SLC10A7: variants seen among roughly 807,000 people sequenced by gnomAD.
The protein encoded by SLC10A7 is sodium/bile acid cotransporter 7.
A neutral mutation model predicts 43.2 loss-of-function variants in SLC10A7; 29 were observed. That is an observed-to-expected ratio of 0.67 (90% CI 0.50 to 0.92). The LOEUF is 0.92. Ranked by LOEUF, SLC10A7 falls within the 40% of genes least tolerant of loss-of-function variation. The probability of loss-of-function intolerance (pLI) is 0.00; values close to 1 mark genes in which losing one functional copy is unlikely to be tolerated. For synonymous variants in SLC10A7, 152 were observed against 144.8 expected (o/e 1.05, Z -0.35); for missense variants, 295 against 403.2 (o/e 0.73, Z 2.30).
At chr4:146,415,319 G>A (rs890678332) in intron 5 of SLC10A7, among the ~76,000 whole-genome samples, 2 of 152,190 alleles carry the variant, frequency 1.3e-5, no homozygotes, top group Non-Finnish European at 2.9e-5. Flanking sequence ...AGCTGGATAA[G>A]CTTGGACAAA....
chr4:146,308,368 C>T (rs1731733333), intron 6 of SLC10A7, among the ~76,000 whole-genome samples: 1 of 152,036 alleles, frequency 6.6e-6, no homozygotes, highest in Non-Finnish European at 1.5e-5. Flanking sequence ...GCAGAGGACC[C>T]CTGGGGAAGT....
At chr4:146,270,415 C>A (rs1382665178) in intron 10 of SLC10A7, among the ~76,000 whole-genome samples, 1 of 152,172 alleles carries the variant, frequency 6.6e-6, no homozygotes, top group Non-Finnish European at 1.5e-5. Flanking sequence ...AGGTACAACC[C>A]ATCTCGCATT....
intron 4 of SLC10A7, among the ~76,000 whole-genome samples, chr4:146,485,661 G>C (rs1734850160): frequency 6.6e-6 from 1 of 152,166 alleles, no homozygotes; most frequent in Non-Finnish European, 1.5e-5. Context: ...ATAAGTCCAG[G>C]TTCAGGATTT....
chr4:146,492,728 T>A (rs1385968855), intron 4 of SLC10A7, among the ~76,000 whole-genome samples: 1 of 152,174 alleles, frequency 6.6e-6, no homozygotes, highest in Non-Finnish European at 1.5e-5. Context: ...AAAAAGAGAA[T>A]ACGTTGGGAA....
chr4:146,302,400 T>C (rs1432923470), intron 7 of SLC10A7, among the ~76,000 whole-genome samples: 2 of 152,196 alleles, frequency 1.3e-5, no homozygotes, highest in Non-Finnish European at 2.9e-5. Flanking sequence ...GGGAATGTAA[T>C]GATAAACAAA....
chr4:146,336,239 A>G (rs939451052), intron 5 of SLC10A7, among the ~76,000 whole-genome samples: 2 of 152,136 alleles, frequency 1.3e-5, no homozygotes, highest in African/African-American at 4.8e-5. Flanking sequence ...CCCAAGGGCC[A>G]TAGTTTGCAG....
chr4:146,308,233 C>T (rs957003484), intron 6 of SLC10A7, among the ~76,000 whole-genome samples: 6 of 152,202 alleles, frequency 3.9e-5, no homozygotes, highest in African/African-American at 1.4e-4. Context: ...GGACGAAATC[C>T]CCCAGGATGG....
intron 9 of SLC10A7, among the ~76,000 whole-genome samples, chr4:146,290,171 A>T (rs867687253): frequency 2.0e-5 from 3 of 151,282 alleles, no homozygotes; most frequent in South Asian, 4.2e-4. Flanking sequence ...AAAAATACAA[A>T]AAATTAGCCA....
At chr4:146,435,197 T>C (rs1287801708) in intron 5 of SLC10A7, among the ~76,000 whole-genome samples, 1 of 152,208 alleles carries the variant, frequency 6.6e-6, no homozygotes, top group Non-Finnish European at 1.5e-5. Flanking sequence ...TATTGTTTTT[T>C]AGAAATGCTA....
At chr4:146,289,914 C>G (rs1730300948) in intron 9 of SLC10A7, among the ~76,000 whole-genome samples, 1 of 149,718 alleles carries the variant, frequency 6.7e-6, no homozygotes, top group African/African-American at 2.4e-5. Context: ...TGGGATTTCG[C>G]CATGTTGGCC....
At chr4:146,272,206 T>C (rs1410665306) in intron 10 of SLC10A7, among the ~76,000 whole-genome samples, 1 of 152,202 alleles carries the variant, frequency 6.6e-6, no homozygotes, top group South Asian at 2.1e-4. Flanking sequence ...TGGCACTGTA[T>C]AGAGCAAACT....
At chr4:146,515,941 GAA>G (rs1737923143) in intron 2 of SLC10A7, among the ~76,000 whole-genome samples, 1 of 138,802 alleles carries the variant, frequency 7.2e-6, no homozygotes, top group African/African-American at 2.6e-5. Context: ...AAAACCCAAT[GAA>G]AAGATTTATA....
At chr4:146,515,213 G>A (rs965171169) in intron 2 of SLC10A7, 2 of 701,200 alleles carry the variant, frequency 2.9e-6, no homozygotes, top group East Asian at 2.7e-5. Flanking sequence ...AACAGCTGTA[G>A]CCATTAAGCA....
At chr4:146,431,347 G>A (rs936003054) in intron 5 of SLC10A7, among the ~76,000 whole-genome samples, 4 of 152,092 alleles carry the variant, frequency 2.6e-5, no homozygotes, top group African/African-American at 7.2e-5. Flanking sequence ...CAAGTGATAC[G>A]ATAATCAGGT....
At chr4:146,478,734 A>ATAGC (rs1734231907) in intron 4 of SLC10A7, among the ~76,000 whole-genome samples, 1 of 152,230 alleles carries the variant, frequency 6.6e-6, no homozygotes, top group African/African-American at 2.4e-5. Flanking sequence ...TGAAAGATTC[A>ATAGC]TAGCTACTAA....
chr4:146,485,443 A>G lies in SLC10A7; in HGVS notation c.396+18406T>C, dbSNP rs557615337. ...TGGTCACAGCAAAACAGGGTCACATAGTTTGGAAGAAGCTTCCTAACACCT... is the reference window on the plus strand; with the variant it reads ...TGGTCACAGCAAAACAGGGTCACATGGTTTGGAAGAAGCTTCCTAACACCT... On this transcript the variant is annotated intron_variant, in intron 4 of 11. Coordinates refer to ENST00000335472, the MANE Select transcript of SLC10A7 (RefSeq NM_001029998.6). 4.6e-5 allele frequency among the ~76,000 whole-genome samples: 7 copies of G among 152,334 alleles called. No individual in the cohort carries two copies. In the South Asian group the frequency reaches 1.2e-3, roughly 27 times the overall value.
intron 5 of SLC10A7, among the ~76,000 whole-genome samples, chr4:146,389,231 A>T (rs1356165853): frequency 6.6e-6 from 1 of 152,166 alleles, no homozygotes; most frequent in Non-Finnish European, 1.5e-5. Flanking sequence ...CTATTTGGGC[A>T]ACAGGTACAC....
chr4:146,464,053 G>A (rs913586359), intron 4 of SLC10A7, among the ~76,000 whole-genome samples: 5 of 151,514 alleles, frequency 3.3e-5, no homozygotes, highest in Admixed American at 2.0e-4. Context: ...TTGAATTCCT[G>A]GGCTCAAGCA....
chr4:146,360,238 A>G (rs1735947299), intron 5 of SLC10A7, among the ~76,000 whole-genome samples: 2 of 48,676 alleles, frequency 4.1e-5, no homozygotes, highest in Non-Finnish European at 6.3e-5. Context: ...GAATCAGTGT[A>G]CCAACTTCCT....
Sources: gnomAD v4.1 joint callset for allele counts (sites outside exome capture counted in the v4.1 genomes callset) on GRCh38, gnomAD v4.1.1 for gene constraint, MANE v1.5 for transcripts, NCBI Gene and HGNC (gene_info 2026-07-23, HGNC 2026-07-21) for gene names.